The following TRIO variants were observed in gnomAD, a reference collection of about 807,000 sequenced individuals.
The protein encoded by TRIO is triple functional domain protein.
A neutral mutation model predicts 351.9 loss-of-function variants in TRIO; 58 were observed. That is an observed-to-expected ratio of 0.16 (90% CI 0.13 to 0.21). The LOEUF is 0.21. TRIO is among the 10% of genes least tolerant of loss of function. TRIO has a pLI of 1.00. For synonymous variants in TRIO, 1,758 were observed against 1,595.7 expected (o/e 1.10, Z -2.42); for missense variants, 3,201 against 4,027.8 (o/e 0.79, Z 5.56).
chr5:14,332,424 A>G (rs761140506), intron 10 of TRIO, among the ~76,000 whole-genome samples: 2 of 152,352 alleles, frequency 1.3e-5, no homozygotes, highest in African/African-American at 2.4e-5. Flanking sequence ...AACTGCCTCC[A>G]TAACACGTGG....
chr5:14,389,760 A>C (rs1746882986), intron 25 of TRIO, among the ~76,000 whole-genome samples: 1 of 152,190 alleles, frequency 6.6e-6, no homozygotes, highest in Admixed American at 6.5e-5. Context: ...GCTCTCTTAT[A>C]GTAAGAGAAA....
At chr5:14,381,359 GGCTGTTCCACATTAACTGGAGGAT>G (rs1305739141) in intron 21 of TRIO, 107 bp downstream of exon 21, 13 of 1,376,210 alleles carry the variant, frequency 9.4e-6, no homozygotes, top group Non-Finnish European at 1.1e-5. Context: ...TGACCCAGTG[GGCTGTTCCACATTAACTGGAGGAT>G]GCTTCCTCCT....
chr5:14,192,211 A>C (rs750412585), intron 1 of TRIO, among the ~76,000 whole-genome samples: 1 of 152,076 alleles, frequency 6.6e-6, no homozygotes, highest in Non-Finnish European at 1.5e-5. Flanking sequence ...GAGGTTTCCA[A>C]ATTATTTATT....
chr5:14,337,320 A>G (rs1259539208), intron 11 of TRIO, among the ~76,000 whole-genome samples: 1 of 152,240 alleles, frequency 6.6e-6, no homozygotes, highest in African/African-American at 2.4e-5. Flanking sequence ...AAATCATATA[A>G]AGTTACATGA....
intron 34 of TRIO, among the ~76,000 whole-genome samples, chr5:14,446,060 C>G (rs1443375521): frequency 6.6e-6 from 1 of 152,200 alleles, no homozygotes; most frequent in Non-Finnish European, 1.5e-5. Context: ...AATTGGTGTT[C>G]TTAGCAGAGG....
At chr5:14,457,353 C>T (rs1008315933) in intron 34 of TRIO, among the ~76,000 whole-genome samples, 1 of 149,746 alleles carries the variant, frequency 6.7e-6, no homozygotes, top group Non-Finnish European at 1.5e-5. Context: ...GATGAGCTCC[C>T]ACCTTGGGCA....
At chr5:14,260,105 ACTAATGGGCTTTGTGTTT>A (rs1795257514) in intron 1 of TRIO, among the ~76,000 whole-genome samples, 1 of 152,242 alleles carries the variant, frequency 6.6e-6, no homozygotes, top group African/African-American at 2.4e-5. Context: ...GTTATTATTC[ACTAATGGGCTTTGTGTTT>A]CTAATCTCCA....
chr5:14,245,289 T>G (rs1256546980), intron 1 of TRIO, among the ~76,000 whole-genome samples: 1 of 152,222 alleles, frequency 6.6e-6, no homozygotes, highest in African/African-American at 2.4e-5. Flanking sequence ...CCTAGAAATC[T>G]GAGCTCTCTT....
At chr5:14,340,692 T>C (rs1741865881) in intron 11 of TRIO, among the ~76,000 whole-genome samples, 1 of 152,128 alleles carries the variant, frequency 6.6e-6, no homozygotes, top group Non-Finnish European at 1.5e-5. Context: ...AGGAATCTCT[T>C]TAAGAAACCC....
At chr5:14,297,660 T>C (rs756257343) in intron 7 of TRIO, 8 of 164,550 alleles carry the variant, frequency 4.9e-5, no homozygotes, top group Non-Finnish European at 9.3e-5. Context: ...ATTACTCCAA[T>C]TGGGATGGTT....
chr5:14,482,414 C>A (rs1755595983), intron 45 of TRIO, 168 bp from the exon 46 acceptor site: 3 of 463,102 alleles, frequency 6.5e-6, no homozygotes, highest in East Asian at 7.1e-5. Context: ...GATAATTATT[C>A]TGTTTAGAGC....
intron 1 of TRIO, among the ~76,000 whole-genome samples, chr5:14,156,729 G>C (rs548047120): frequency 4.6e-5 from 7 of 152,286 alleles, no homozygotes; most frequent in African/African-American, 1.7e-4. Context: ...CCACCCCCAA[G>C]TTTAAACTGT....
intron 1 of TRIO, among the ~76,000 whole-genome samples, chr5:14,184,198 G>GT (rs887342805): frequency 6.6e-5 from 10 of 152,054 alleles, no homozygotes; most frequent in African/African-American, 1.9e-4. Flanking sequence ...ATTTAGAAAT[G>GT]TTTTTTTAAA....
At chr5:14,332,117 G>A (rs1343791673) in intron 10 of TRIO, among the ~76,000 whole-genome samples, 1 of 152,138 alleles carries the variant, frequency 6.6e-6, no homozygotes, top group Non-Finnish European at 1.5e-5. Context: ...CTTTGGCATA[G>A]CATCCTTCCT....
chr5:14,363,188 T>C (rs1744305750), intron 13 of TRIO, among the ~76,000 whole-genome samples: 1 of 152,032 alleles, frequency 6.6e-6, no homozygotes, highest in South Asian at 2.1e-4. Context: ...TTGGTAGAGA[T>C]GGGGTTTTGC....
At chr5:14,205,208 C>T (rs180681574) in intron 1 of TRIO, among the ~76,000 whole-genome samples, 3 of 152,212 alleles carry the variant, frequency 2.0e-5, no homozygotes, top group Non-Finnish European at 4.4e-5. Flanking sequence ...CTGGCCTCAG[C>T]GCCAGGGAGG....
At chr5:14,206,190 A>G (rs552292493) in intron 1 of TRIO, among the ~76,000 whole-genome samples, 13 of 152,140 alleles carry the variant, frequency 8.5e-5, no homozygotes, top group South Asian at 8.3e-4. Flanking sequence ...CCTCCTGTGT[A>G]TCTGGGACCA....
intron 1 of TRIO, among the ~76,000 whole-genome samples, chr5:14,176,780 A>G (rs1053676870): frequency 2.0e-5 from 3 of 152,194 alleles, no homozygotes; most frequent in African/African-American, 4.8e-5. Context: ...AAAATTTAGA[A>G]ACATGAACTT....
intron 30 of TRIO, chr5:14,399,331 A>G (rs1271724496): frequency 8.8e-6 from 4 of 456,240 alleles, no homozygotes; most frequent in African/African-American, 2.0e-5. Context: ...ATAAGAAAAC[A>G]TTTCATAAGT....
Sources: allele counts gnomAD v4.1 joint callset (sites outside exome capture counted in the v4.1 genomes callset), GRCh38; gene constraint gnomAD v4.1.1; transcripts MANE v1.5; gene names NCBI Gene and HGNC (gene_info 2026-07-23, HGNC 2026-07-21).